Variants in AKAP7 observed in about 807,000 individuals in gnomAD.
AKAP7 encodes the protein A-kinase anchoring protein 7, also known as A kinase (PRKA) anchor protein 7.
In AKAP7, 39 loss-of-function variants were observed where a neutral mutation model predicts 39.5. The ratio of observed to expected loss-of-function variants is 0.99; its 90% CI spans 0.76 to 1.29. The LOEUF is 1.29. AKAP7 is among the 50% of genes most tolerant of loss of function. The probability of loss-of-function intolerance (pLI) is 0.00; values close to 1 mark genes in which losing one functional copy is unlikely to be tolerated. For synonymous variants in AKAP7, 140 were observed against 139.1 expected (o/e 1.01, Z -0.05); for missense variants, 414 against 407.7 (o/e 1.02, Z -0.13).
chr6:131,239,340 A>AT (rs1376311931), intron 7 of AKAP7, among the ~76,000 whole-genome samples: 1 of 151,812 alleles, frequency 6.6e-6, no homozygotes, highest in Non-Finnish European at 1.5e-5. Context: ...TGCCCTTAAC[A>AT]TTTTTTCCTT....
chr6:131,225,393 C>T (rs189641303), intron 7 of AKAP7, among the ~76,000 whole-genome samples: 7 of 152,210 alleles, frequency 4.6e-5, no homozygotes, highest in Admixed American at 2.0e-4. Context: ...CATCCTCATC[C>T]GTAAGGAGTT....
chr6:131,277,680 T>C lies in AKAP7; in HGVS notation c.851-3850T>C, dbSNP rs574363758. 2.3e-4 allele frequency among the ~76,000 whole-genome samples: 35 copies of C among 152,342 alleles called. 3 individuals carry two copies. In the South Asian group the frequency reaches 7.3e-3, roughly 32 times the overall value. On this transcript the variant is annotated intron_variant, in intron 7 of 7. Coordinates refer to ENST00000431975, the MANE Select transcript of AKAP7 (RefSeq NM_016377.4). ...GAACACAAATGAGATCTCATAGGGATGAAAATGTCTATTTTTTGAATTGCT... is the reference window on the plus strand; with the variant it reads ...GAACACAAATGAGATCTCATAGGGACGAAAATGTCTATTTTTTGAATTGCT...
chr6:131,267,340 T>A (rs1348812938), intron 7 of AKAP7, among the ~76,000 whole-genome samples: 2 of 152,184 alleles, frequency 1.3e-5, no homozygotes, highest in Admixed American at 1.3e-4. Context: ...AATAGGAATG[T>A]TCTGAGACCG....
chr6:131,148,442 C>CATTAT (rs1801648983), intron 2 of AKAP7, among the ~76,000 whole-genome samples: 1 of 143,124 alleles, frequency 7.0e-6, no homozygotes. Flanking sequence ...TCTACTTGGA[C>CATTAT]CTTTGACACT....
intron 5 of AKAP7, chr6:131,185,067 C>A (rs1237089452): frequency 1.4e-6 from 1 of 704,980 alleles, no homozygotes; most frequent in Non-Finnish European, 2.7e-6. Flanking sequence ...CTTGCCCAGG[C>A]TGTCATCATC....
intron 5 of AKAP7, among the ~76,000 whole-genome samples, chr6:131,179,697 G>A (rs1804944392): frequency 6.6e-6 from 1 of 152,010 alleles, no homozygotes; most frequent in Non-Finnish European, 1.5e-5. Context: ...GTGAGACTTT[G>A]TTTCTACAAA....
At chr6:131,164,993 T>G in intron 3 of AKAP7, 88 bp from the exon 4 acceptor site, 1 of 1,103,476 alleles carries the variant, frequency 9.1e-7, no homozygotes, top group South Asian at 2.0e-5. Flanking sequence ...TGTTGCTTAT[T>G]TTTCTTCTTG....
Position 131,226,950 on chromosome 6 carries a change from A to G in AKAP7, c.850+7142A>G, listed in dbSNP as rs145875746. ...GGTATCATGTGATACAGAGAAGTATAAGACACAGTCCTTAAGAGTGATACA... is the reference window on the plus strand; with the variant it reads ...GGTATCATGTGATACAGAGAAGTATGAGACACAGTCCTTAAGAGTGATACA... On this transcript the variant is annotated intron_variant, in intron 7 of 7. Coordinates refer to ENST00000431975, the MANE Select transcript of AKAP7 (RefSeq NM_016377.4). 1.1e-4 allele frequency among the ~76,000 whole-genome samples: 17 copies of G among 152,346 alleles called. No homozygotes were observed. The East Asian group carries it at 3.3e-3, about 29-fold the overall frequency.
chr6:131,130,453 C>T, the AKAP7 span, among the ~76,000 whole-genome samples: 22 of 152,290 alleles, frequency 1.4e-4, no homozygotes, highest in African/African-American at 4.3e-4. Context: ...TGTGCCGCCA[C>T]GCCTGGCTAA....
At chr6:131,191,970 C>G (rs1480384181) in intron 5 of AKAP7, among the ~76,000 whole-genome samples, 1 of 151,436 alleles carries the variant, frequency 6.6e-6, no homozygotes, top group East Asian at 1.9e-4. Flanking sequence ...GAGACGGGGT[C>G]TATCCATGTT....
intron 5 of AKAP7, among the ~76,000 whole-genome samples, chr6:131,173,489 A>G (rs947563290): frequency 2.0e-5 from 3 of 152,136 alleles, no homozygotes; most frequent in South Asian, 4.1e-4. Context: ...TTTACTTATT[A>G]TAGTGTATAC....
chr6:131,135,830 C>T lies in AKAP7; in HGVS notation c.19+48C>T, dbSNP rs1448347039. 6.5e-6 allele frequency: 8 copies of T among 1,226,578 alleles called. No individual in the cohort carries two copies. The East Asian group carries it at 1.3e-4, about 20-fold the overall frequency. The allele number at this position is 1,226,578 out of a possible 1,614,324, so 76.0% of individuals were successfully genotyped here. ...GCCGGGGCGGGGGCGACAGGAGCCGCGGGGGCCTGGGCCTGCTCTGCGCTC... is the reference window on the plus strand; with the variant it reads ...GCCGGGGCGGGGGCGACAGGAGCCGTGGGGGCCTGGGCCTGCTCTGCGCTC... On this transcript the variant is annotated intron_variant, in intron 1 of 7. Transcript: ENST00000431975.
intron 7 of AKAP7, among the ~76,000 whole-genome samples, chr6:131,278,640 C>T (rs147101285): frequency 4.7e-4 from 72 of 152,222 alleles, no homozygotes; most frequent in African/African-American, 1.3e-3. Context: ...ATATCTTACA[C>T]GGCCAGAGCA....
intron 5 of AKAP7, chr6:131,185,399 T>C (rs1805742643): frequency 1.5e-5 from 8 of 516,750 alleles, no homozygotes; most frequent in Non-Finnish European, 2.2e-5. Flanking sequence ...AGCACAGAGG[T>C]GGGCATTGTA....
intron 7 of AKAP7, among the ~76,000 whole-genome samples, chr6:131,258,566 A>G (rs1250028557): frequency 6.6e-6 from 1 of 152,202 alleles, no homozygotes; most frequent in Non-Finnish European, 1.5e-5. Flanking sequence ...TGTGACTAAC[A>G]TTCATAATGT....
chr6:131,136,838 A>G, intron 1 of AKAP7: 1 of 985,244 alleles, frequency 1.0e-6, no homozygotes, highest in Non-Finnish European at 1.2e-6. Flanking sequence ...AACATTTACT[A>G]ACGTGTAAGA....
chr6:131,179,902 A>G (rs1038839537), intron 5 of AKAP7, among the ~76,000 whole-genome samples: 1 of 151,996 alleles, frequency 6.6e-6, no homozygotes, highest in Non-Finnish European at 1.5e-5. Context: ...TAAATAATAA[A>G]TAAATAAATA....
intron 5 of AKAP7, among the ~76,000 whole-genome samples, chr6:131,196,505 C>T (rs1326689535): frequency 1.3e-5 from 2 of 152,062 alleles, no homozygotes; most frequent in Admixed American, 1.3e-4. Context: ...CTCAGGTGAT[C>T]CTCCCACCTC....
At chr6:131,156,635 A>C (rs1397158667) in intron 2 of AKAP7, among the ~76,000 whole-genome samples, 1 of 152,080 alleles carries the variant, frequency 6.6e-6, no homozygotes, top group Admixed American at 6.5e-5. Context: ...GTGAGATCCT[A>C]TCGCAAAACA....
Sources: gnomAD v4.1 joint callset for allele counts (sites outside exome capture counted in the v4.1 genomes callset) on GRCh38, gnomAD v4.1.1 for gene constraint, MANE v1.5 for transcripts, NCBI Gene and HGNC (gene_info 2026-07-23, HGNC 2026-07-21) for gene names.